The following DDR2 variants were observed in gnomAD, a reference collection of about 807,000 sequenced individuals.
DDR2 encodes discoidin domain receptor tyrosine kinase 2, also known as discoidin domain-containing receptor 2.
Under a neutral mutation model 94.9 loss-of-function variants are expected in DDR2, and 27 were observed. The observed-to-expected ratio is 0.28, with a 90% CI of 0.21 to 0.39. The LOEUF is 0.39. Ranked by LOEUF, DDR2 falls within the 10% of genes least tolerant of loss-of-function variation. DDR2 has a pLI of 1.00. For synonymous variants in DDR2, 382 were observed against 377.2 expected (o/e 1.01, Z -0.15); for missense variants, 783 against 1,076.0 (o/e 0.73, Z 3.81).
At chr1:162,722,124 T>G (rs1005475915) in intron 3 of DDR2, among the ~76,000 whole-genome samples, 12 of 152,200 alleles carry the variant, frequency 7.9e-5, no homozygotes, top group Non-Finnish European at 1.8e-4. Context: ...CATAAATGTC[T>G]CACAGGTGTC....
intron 2 of DDR2, among the ~76,000 whole-genome samples, chr1:162,686,269 A>C (rs189278903): frequency 5.4e-4 from 82 of 152,184 alleles, no homozygotes; most frequent in African/African-American, 1.9e-3. Context: ...TTGCATAGGC[A>C]TGCATGTGCC....
At chr1:162,716,346 G>A (rs533081548) in intron 2 of DDR2, among the ~76,000 whole-genome samples, 1 of 152,292 alleles carries the variant, frequency 6.6e-6, no homozygotes, top group South Asian at 2.1e-4. Flanking sequence ...AGCACTTACT[G>A]GATGGCTGCT....
intron 2 of DDR2, among the ~76,000 whole-genome samples, chr1:162,661,567 T>TACAGAGACAGAAGGCAGAG (rs1439263698): frequency 6.6e-6 from 1 of 152,122 alleles, no homozygotes; most frequent in African/African-American, 2.4e-5. Context: ...ACACCAAGCA[T>TACAGAGACAGAAGGCAGAG]ACAGAGACAG....
At chr1:162,644,786 G>A (rs906664660) in intron 1 of DDR2, among the ~76,000 whole-genome samples, 2 of 151,996 alleles carry the variant, frequency 1.3e-5, no homozygotes, top group African/African-American at 2.4e-5. Flanking sequence ...AGCAGACAGG[G>A]GGTTTCACTC....
rs148768710 is a variant in DDR2 at position 162,740,073 on chromosome 1, T to C, written c.83-13022T>C. Among the ~76,000 whole-genome samples the C allele has an allele frequency of 3.3e-5, 5 of 152,214 alleles. 1 individual carries two copies. The highest frequency in any genetic ancestry group is 3.8e-4 in the East Asian group (2 of 5,202). ...TATCTCTAAAGTTTACCTCTTTTTT[T>C]AAATAAATATTTTTAAATACCTATT... On this transcript the variant is annotated intron_variant, in intron 3 of 17. Coordinates refer to ENST00000367921, the MANE Select transcript of DDR2 (RefSeq NM_006182.4).
rs867293359 is a variant in DDR2, at chr1:162,729,308, T to A, written c.82+10163T>A. The stretch of plus-strand genomic sequence containing the variant: ...TATATATATATATATATATTTTTTT[T>A]TTTTTTTTTTTTCCTTGGGAGAATA... On this transcript the variant is annotated intron_variant, in intron 3 of 17. Transcript: ENST00000367921. 5.4e-3 allele frequency among the ~76,000 whole-genome samples: 680 copies of A among 125,486 alleles called. 9 individuals are homozygous for A. Among genetic ancestry groups the A allele is most frequent in the African/African-American group, 0.014 (429 of 31,730 alleles). The allele number at this position is 125,486 out of a possible 152,430, so 82.3% of individuals were successfully genotyped here.
At chr1:162,682,290 G>A (rs564116092) in intron 2 of DDR2, among the ~76,000 whole-genome samples, 2 of 152,234 alleles carry the variant, frequency 1.3e-5, no homozygotes, top group Non-Finnish European at 2.9e-5. Context: ...CATTGATTTG[G>A]GACTTTTCTG....
At chr1:162,654,415 CA>C (rs1657855711) in intron 1 of DDR2, among the ~76,000 whole-genome samples, 1 of 152,130 alleles carries the variant, frequency 6.6e-6, no homozygotes, top group Admixed American at 6.5e-5. Context: ...CACTGCACTC[CA>C]GCCTGGGCAA....
At chr1:162,640,323 A>C (rs1657066399) in intron 1 of DDR2, among the ~76,000 whole-genome samples, 1 of 152,128 alleles carries the variant, frequency 6.6e-6, no homozygotes, top group Non-Finnish European at 1.5e-5. Flanking sequence ...TGCAAGTGTG[A>C]GCCACCGCGC....
At chr1:162,735,324 T>C (rs1178825396) in intron 3 of DDR2, among the ~76,000 whole-genome samples, 1 of 152,144 alleles carries the variant, frequency 6.6e-6, no homozygotes, top group African/African-American at 2.4e-5. Flanking sequence ...CGCTGACATG[T>C]GTAACAAGTT....
intron 1 of DDR2, among the ~76,000 whole-genome samples, chr1:162,633,451 CA>C (rs1376691931): frequency 1.3e-5 from 2 of 152,234 alleles, no homozygotes; most frequent in Non-Finnish European, 2.9e-5. Context: ...CTTCCTACAA[CA>C]CAGAGTTAAG....
intron 2 of DDR2, among the ~76,000 whole-genome samples, chr1:162,688,986 C>T (rs773397159): frequency 4.6e-5 from 7 of 152,128 alleles, no homozygotes; most frequent in South Asian, 4.1e-4. Flanking sequence ...TGATGTTCTG[C>T]GGGAAAATTG....
rs1467205864 is a variant in DDR2 at position 162,786,298 on chromosome 1, G to A, written c.*6052G>A. On this transcript the variant is annotated 3_prime_UTR_variant, in exon 18 of 18. Transcript: ENST00000367921. ...AACTTTTTCTGAGGACTGAGTTTCT[G>A]CAGCGATGTGGTGCACTCTTCCTGT... 6.6e-6 allele frequency: 1 copy of A among 152,188 alleles called. No homozygotes were observed. The highest frequency in any genetic ancestry group is 1.9e-4 in the East Asian group (1 of 5,194). The allele number at this position is 152,188 out of a possible 1,614,324, so 9.4% of individuals were successfully genotyped here.
intron 3 of DDR2, among the ~76,000 whole-genome samples, chr1:162,742,941 G>A (rs543931895): frequency 1.3e-5 from 2 of 152,176 alleles, no homozygotes; most frequent in East Asian, 3.9e-4. Context: ...CGGGAAAGAC[G>A]GGCAGGCCCC....
chr1:162,719,130 G>C lies in DDR2; in HGVS notation c.67G>C (p.Ala23Pro), dbSNP rs1362799695. The C allele has an allele frequency of 1.2e-6, 2 of 1,613,612 alleles. No homozygotes were observed. The highest frequency in any genetic ancestry group is 1.7e-6 in the Non-Finnish European group (2 of 1,179,764). Reference sequence around the variant, plus strand: ...GCTGCCTATCTTGAGTTCTGCAAAAGCTCAGGTTAATCCAGGTAACATGGC... The same window carrying C: ...GCTGCCTATCTTGAGTTCTGCAAAACCTCAGGTTAATCCAGGTAACATGGC... ...LLLPILSSAK[A>P]QVNPAICRYP... Residue 23 changes from alanine to proline, a missense_variant, in exon 3 of 18, where the codon GCT becomes CCT. Physicochemically the swap from Ala to Pro is conservative, Grantham distance 27 (BLOSUM62 -1). Coordinates refer to ENST00000367921, the MANE Select transcript of DDR2 (RefSeq NM_006182.4).
intron 1 of DDR2, among the ~76,000 whole-genome samples, chr1:162,635,756 T>G (rs1480890732): frequency 6.6e-6 from 1 of 152,170 alleles, no homozygotes; most frequent in African/African-American, 2.4e-5. Flanking sequence ...TAAAAGATTT[T>G]CAGACCAATC....
chr1:162,672,632 ACCAAATG>A (rs1308086678), intron 2 of DDR2, among the ~76,000 whole-genome samples: 4 of 152,184 alleles, frequency 2.6e-5, no homozygotes, highest in Admixed American at 6.5e-5. Flanking sequence ...TCATTAATTG[ACCAAATG>A]TTTTGATGGT....
At chr1:162,658,722 G>GGAGGCT (rs1022361595) in intron 2 of DDR2, among the ~76,000 whole-genome samples, 2 of 151,882 alleles carry the variant, frequency 1.3e-5, no homozygotes, top group Admixed American at 1.3e-4. Flanking sequence ...CAGCTACTGG[G>GGAGGCT]GAGGCTGAGG....
In DDR2 at chr1:162,754,921, A is replaced by G. The variant is rs1015026727; in HGVS notation, c.417+66A>G. 6.6e-5 allele frequency: 105 copies of G among 1,589,050 alleles called. 2 individuals are homozygous for G. The East Asian group carries it at 2.3e-3, about 35-fold the overall frequency. ...ATATTTTGACTTAGGCTAGGAGAAGAAGGGTACAGGTTTTCTGTGTGGATA... is the reference window on the plus strand; with the variant it reads ...ATATTTTGACTTAGGCTAGGAGAAGGAGGGTACAGGTTTTCTGTGTGGATA... On this transcript the variant is annotated intron_variant, in intron 5 of 17. Transcript: ENST00000367921.
Sources: gnomAD v4.1 joint callset for allele counts (sites outside exome capture counted in the v4.1 genomes callset) on GRCh38, gnomAD v4.1.1 for gene constraint, MANE v1.5 for transcripts, NCBI Gene and HGNC (gene_info 2026-07-23, HGNC 2026-07-21) for gene names.